The following RIC3 variants were observed in gnomAD, a reference collection of about 807,000 sequenced individuals.
RIC3 encodes the protein protein RIC-3.
In RIC3, 28 loss-of-function variants were observed where a neutral mutation model predicts 27.3. The observed-to-expected ratio is 1.02, with a 90% CI of 0.76 to 1.41. The LOEUF is 1.41. RIC3 is among the 40% of genes most tolerant of loss of function. RIC3 has a pLI of 0.00. For synonymous variants in RIC3, 184 were observed against 160.4 expected (o/e 1.15, Z -1.11); for missense variants, 501 against 444.7 (o/e 1.13, Z -1.14).
At chr11:8,131,979 A>C (rs1264784542) in intron 4 of RIC3, among the ~76,000 whole-genome samples, 3 of 149,846 alleles carry the variant, frequency 2.0e-5, no homozygotes, top group African/African-American at 4.9e-5. Flanking sequence ...CTATACAAAC[A>C]CAGTGAACAA....
intron 5 of RIC3, among the ~76,000 whole-genome samples, chr11:8,112,188 G>T (rs896514458): frequency 1.3e-5 from 2 of 151,804 alleles, no homozygotes; most frequent in Non-Finnish European, 2.9e-5. Flanking sequence ...GTTTAAAAAA[G>T]AAAACACAAA....
intron 5 of RIC3, among the ~76,000 whole-genome samples, chr11:8,120,911 C>G (rs992565693): frequency 5.3e-5 from 8 of 151,930 alleles, no homozygotes; most frequent in African/African-American, 1.9e-4. Context: ...TATACCCAGC[C>G]AAACAATTTG....
the RIC3 span, among the ~76,000 whole-genome samples, chr11:8,094,917 G>T: frequency 6.6e-6 from 1 of 152,240 alleles, no homozygotes; most frequent in Non-Finnish European, 1.5e-5. Context: ...TGCCACCTGT[G>T]TGGGTCAGGC....
downstream of RIC3, chr11:8,101,567 A>G: frequency 6.2e-7 from 1 of 1,614,230 alleles, no homozygotes; most frequent in Non-Finnish European, 8.5e-7. Flanking sequence ...TGTGCACTGC[A>G]GGCCTTTGCC....
At chr11:8,135,981 T>C (rs572169412) in intron 4 of RIC3, 1 of 152,240 alleles carries the variant, frequency 6.6e-6, no homozygotes, top group Non-Finnish European at 1.5e-5. Context: ...AATTGTTCAA[T>C]AAATATCAAT....
chr11:8,125,690 G>A (rs1039762913), intron 5 of RIC3, among the ~76,000 whole-genome samples: 2 of 152,162 alleles, frequency 1.3e-5, no homozygotes, highest in African/African-American at 4.8e-5. Flanking sequence ...TGGTGGGAAG[G>A]GAAAAAGTAG....
chr11:8,141,674 G>A (rs1262530202), intron 1 of RIC3, among the ~76,000 whole-genome samples: 6 of 152,018 alleles, frequency 3.9e-5, no homozygotes, highest in East Asian at 1.9e-4. Flanking sequence ...TGCACCAAGT[G>A]GACCTAATAG....
intron 1 of RIC3, among the ~76,000 whole-genome samples, chr11:8,168,138 C>G (rs1443089736): frequency 6.6e-6 from 1 of 152,204 alleles, no homozygotes; most frequent in Non-Finnish European, 1.5e-5. Context: ...GAAAACTGTT[C>G]TGGTTCCTTC....
chr11:8,112,755 A>C (rs1379221124), intron 5 of RIC3, among the ~76,000 whole-genome samples: 1 of 152,230 alleles, frequency 6.6e-6, no homozygotes, highest in Non-Finnish European at 1.5e-5. Context: ...ATATAGCTAC[A>C]TAACTGACAT....
In RIC3 at chr11:8,110,668, TGA is replaced by T. The variant is rs746047069; in HGVS notation, c.*28_*29del. Reference sequence around the variant, plus strand: ...AGGAGAGAGAGGTCACCTTGGGACTTGAGTAATGGATACTTCAGACTGGCTGT... The same window carrying T: ...AGGAGAGAGAGGTCACCTTGGGACTTGTAATGGATACTTCAGACTGGCTGT... On this transcript the variant is annotated 3_prime_UTR_variant, in exon 6 of 6. Coordinates refer to ENST00000309737, the MANE Select transcript of RIC3 (RefSeq NM_001206671.4). The T allele has an allele frequency of 2.5e-6, 4 of 1,600,200 alleles. No individual in the cohort carries two copies. The South Asian group carries it at 4.4e-5, about 18-fold the overall frequency.
intron 5 of RIC3, among the ~76,000 whole-genome samples, chr11:8,117,462 G>C (rs1422326595): frequency 1.3e-5 from 2 of 152,180 alleles, no homozygotes; most frequent in Non-Finnish European, 2.9e-5. Flanking sequence ...CAGAAAGACA[G>C]ATACAGCGTG....
chr11:8,097,193 C>T, the RIC3 span: 5 of 1,612,122 alleles, frequency 3.1e-6, no homozygotes, highest in African/African-American at 1.3e-5. Context: ...GCTTAGGGTC[C>T]TTGGGGCTCA....
intron 5 of RIC3, among the ~76,000 whole-genome samples, chr11:8,123,396 G>A (rs559026593): frequency 6.6e-6 from 1 of 151,584 alleles, no homozygotes; most frequent in South Asian, 2.1e-4. Flanking sequence ...CAGAAAGAAA[G>A]AAACACAAGT....
intron 1 of RIC3, among the ~76,000 whole-genome samples, chr11:8,158,311 G>A (rs1950857613): frequency 6.6e-6 from 1 of 152,128 alleles, no homozygotes; most frequent in Non-Finnish European, 1.5e-5. Context: ...CTGGAGAGGG[G>A]CTACTAAGGA....
Position 8,126,718 on chromosome 11 carries a change from A to G in RIC3, c.611T>C (p.Ile204Thr), listed in dbSNP as rs1293592761. 1 of 1,614,142 alleles carries G rather than the reference A, an allele frequency of 6.2e-7. No individual in the cohort carries two copies. Among genetic ancestry groups the G allele is most frequent in the Non-Finnish European group, 8.5e-7 (1 of 1,180,006 alleles). Residue 204 changes from isoleucine to threonine, a missense_variant, in exon 5 of 6, where the codon ATT becomes ACT. By Grantham distance (89) the Ile-to-Thr change is moderately conservative. Coordinates refer to ENST00000309737, the MANE Select transcript of RIC3 (RefSeq NM_001206671.4). The stretch of plus-strand genomic sequence containing the variant: ...TTCTTTCTCTGGAGAAAATCTGTCA[A>G]TGAATTTTCCTTCTTTCATGACCCT... ...ITRVMKEGKF[I>T]DRFSPEKEAE... is the part of the protein sequence containing the mutation.
At chr11:8,104,875 G>A (rs996005083), downstream of RIC3, 7 of 151,936 alleles carry the variant, frequency 4.6e-5, no homozygotes, top group African/African-American at 1.7e-4. Flanking sequence ...GAGAACTTTC[G>A]GAGCCTGCCT....
chr11:8,103,243 G>A (rs1944383012), downstream of RIC3: 1 of 152,340 alleles, frequency 6.6e-6, no homozygotes, highest in Middle Eastern at 3.4e-3. Context: ...CCACCCTGCA[G>A]GCTTGGGAAC....
downstream of RIC3, chr11:8,101,463 TCTGTGC>T (rs1295297649): frequency 1.0e-5 from 16 of 1,556,974 alleles, no homozygotes; most frequent in Admixed American, 2.8e-4. Context: ...CTTTTCTCTG[TCTGTGC>T]CTGTGCTTGG....
chr11:8,101,621 G>A (rs556263328), downstream of RIC3: 28 of 1,614,176 alleles, frequency 1.7e-5, no homozygotes, highest in South Asian at 2.9e-4. Context: ...TGCGAGTAGA[G>A]GCCTCTTCGT....
Sources: allele counts gnomAD v4.1 joint callset (sites outside exome capture counted in the v4.1 genomes callset), GRCh38; gene constraint gnomAD v4.1.1; transcripts MANE v1.5; gene names NCBI Gene and HGNC (gene_info 2026-07-23, HGNC 2026-07-21).